The following BAZ2B variants were observed in gnomAD, a reference collection of about 807,000 sequenced individuals.
The protein encoded by BAZ2B is bromodomain adjacent to zinc finger domain 2B.
A neutral mutation model predicts 246.0 loss-of-function variants in BAZ2B; 91 were observed. The observed-to-expected ratio is 0.37, with a 90% CI of 0.31 to 0.44. The LOEUF is 0.44. Among genes scored for constraint, BAZ2B ranks in the 20% least tolerant of loss-of-function variants. The pLI, the probability that BAZ2B is intolerant of heterozygous loss-of-function variation, is 1.00. For missense variants in BAZ2B, 2,332 were observed against 2,533.7 expected, an observed-to-expected ratio of 0.92 and a Z score of 1.71; for synonymous variants, 855 against 860.0, an observed-to-expected ratio of 0.99 and a Z score of 0.10.
intron 13 of BAZ2B, among the ~76,000 whole-genome samples, chr2:159,416,803 T>C (rs2067801854): frequency 2.6e-5 from 4 of 152,220 alleles, no homozygotes. Context: ...TACTGGATTA[T>C]GTATAATGTC....
At chr2:159,505,198 G>T (rs1025351897) in intron 2 of BAZ2B, among the ~76,000 whole-genome samples, 17 of 152,326 alleles carry the variant, frequency 1.1e-4, no homozygotes, top group African/African-American at 4.1e-4. Context: ...TTTCATAGAA[G>T]AGAATTCCAG....
intron 27 of BAZ2B, among the ~76,000 whole-genome samples, chr2:159,359,905 GC>G (rs59904085): frequency 0.019 from 2,832 of 152,114 alleles, 86 homozygotes; most frequent in African/African-American, 0.065. Context: ...AAATTCAACA[GC>G]CCTTCATGCT....
At chr2:159,526,410 G>A (rs950654512) in intron 2 of BAZ2B, among the ~76,000 whole-genome samples, 1 of 152,080 alleles carries the variant, frequency 6.6e-6, no homozygotes, top group African/African-American at 2.4e-5. Context: ...TCATGTATAC[G>A]AATGTAAATT....
At chr2:159,568,979 G>A (rs1683281491) in intron 1 of BAZ2B, among the ~76,000 whole-genome samples, 1 of 152,026 alleles carries the variant, frequency 6.6e-6, no homozygotes, top group South Asian at 2.1e-4. Context: ...GGGTTTTCGT[G>A]ACACTAGATT....
At chr2:159,637,231 G>T in the BAZ2B span, among the ~76,000 whole-genome samples, 1 of 152,236 alleles carries the variant, frequency 6.6e-6, no homozygotes, top group Non-Finnish European at 1.5e-5. Flanking sequence ...AGAGCAACAA[G>T]CAGGCTCTAA....
the BAZ2B span, among the ~76,000 whole-genome samples, chr2:159,624,443 G>C: frequency 6.6e-6 from 1 of 152,206 alleles, no homozygotes; most frequent in Non-Finnish European, 1.5e-5. Flanking sequence ...TATAGGAGAG[G>C]TCTGGCTGGC....
chr2:159,541,766 T>G lies in BAZ2B; in HGVS notation c.-3+14057A>C, dbSNP rs148545390. Among the ~76,000 whole-genome samples the G allele has an allele frequency of 4.7e-3, 716 of 152,302 alleles. 6 individuals are homozygous for G. Among genetic ancestry groups the G allele is most frequent in the African/African-American group, 0.016 (678 of 41,558 alleles). On this transcript the variant is annotated intron_variant, in intron 2 of 36. Coordinates refer to ENST00000392783, the MANE Select transcript of BAZ2B (RefSeq NM_013450.4). ...GAGTAGTAACCTTTACTGGAGTTCT[T>G]TTTTTCTTCATATGCCTTTAAGTTA...
Position 159,350,033 on chromosome 2 carries a change from G to A in BAZ2B, c.4538C>T (p.Ser1513Leu). Residue 1513 changes from serine (S) to leucine (L), a missense_variant, in exon 28 of 37, where the codon TCA (serine) becomes TTA (leucine). Around this residue, in one of 9 missense-constraint regions of BAZ2B, gnomAD observed 676 missense variants for 668.6 expected, o/e 1.01. Coordinates refer to ENST00000392783, the MANE Select transcript of BAZ2B (RefSeq NM_013450.4). ...TTCCACATTGCTTTGCGTTGCTGTT[G>A]ACTGAACGCTGCCCAGTGAATGTTT... ...SGKHSLGSVQ[S>L]TATQSNVEKA... 6.2e-7 allele frequency: 1 copy of A among 1,614,098 alleles called. No homozygotes were observed. The highest frequency in any genetic ancestry group is 8.5e-7 in the Non-Finnish European group (1 of 1,179,992).
chr2:159,507,015 T>C (rs1007844921), intron 2 of BAZ2B, among the ~76,000 whole-genome samples: 3 of 152,318 alleles, frequency 2.0e-5, no homozygotes, highest in Admixed American at 2.0e-4. Context: ...TGCAATACTT[T>C]GTGGAGCAGG....
Position 159,534,799 on chromosome 2 carries a change from G to T in BAZ2B, c.-3+21024C>A, listed in dbSNP as rs949366476. Among the ~76,000 whole-genome samples the T allele has an allele frequency of 7.1e-4, 108 of 151,982 alleles. 1 individual carries two copies. Among genetic ancestry groups the T allele is most frequent in the Non-Finnish European group, 1.8e-4 (12 of 67,992 alleles). On this transcript the variant is annotated intron_variant, in intron 2 of 36. Transcript: ENST00000392783. The stretch of plus-strand genomic sequence containing the variant: ...TTTTTGTATTTTTAGTAGATAAGGG[G>T]TTTCACCATGCTAGCCAGGTTGGTC...
upstream of BAZ2B, among the ~76,000 whole-genome samples, chr2:159,621,373 A>G (rs541385157): frequency 6.6e-6 from 1 of 152,206 alleles, no homozygotes. Flanking sequence ...GACGCTTCTG[A>G]TAAACATCCC....
At chr2:159,470,381 G>A (rs573271063) in intron 3 of BAZ2B, among the ~76,000 whole-genome samples, 2 of 152,340 alleles carry the variant, frequency 1.3e-5, no homozygotes, top group East Asian at 3.9e-4. Context: ...TTGTCCTACA[G>A]CCTGGAGGTT....
chr2:159,586,873 T>C (rs1213075039), intron 1 of BAZ2B, among the ~76,000 whole-genome samples: 1 of 152,156 alleles, frequency 6.6e-6, no homozygotes, highest in Non-Finnish European at 1.5e-5. Flanking sequence ...CACTTACAGT[T>C]TGATCTTACA....
chr2:159,472,050 A>G (rs1286808240), intron 3 of BAZ2B, among the ~76,000 whole-genome samples: 2 of 152,174 alleles, frequency 1.3e-5, no homozygotes, highest in Non-Finnish European at 2.9e-5. Context: ...TGGGTAGATA[A>G]TTGGTTCATT....
the BAZ2B span, among the ~76,000 whole-genome samples, chr2:159,622,457 AAAACT>A: frequency 6.6e-6 from 1 of 152,184 alleles, no homozygotes; most frequent in Admixed American, 6.5e-5. Context: ...GAGCCTAAAG[AAAACT>A]TTCCCAGCAA....
intron 1 of BAZ2B, among the ~76,000 whole-genome samples, chr2:159,606,328 T>A (rs973995652): frequency 6.6e-6 from 1 of 152,252 alleles, no homozygotes; most frequent in Non-Finnish European, 1.5e-5. Flanking sequence ...TGTCAGTTAA[T>A]GTTGCCTTGC....
chr2:159,489,111 C>T (rs1231689653), intron 2 of BAZ2B, among the ~76,000 whole-genome samples: 3 of 152,128 alleles, frequency 2.0e-5, no homozygotes, highest in Non-Finnish European at 2.9e-5. Context: ...AGCATACTAT[C>T]CATGGATAGG....
intron 2 of BAZ2B, among the ~76,000 whole-genome samples, chr2:159,490,720 G>T (rs2080364427): frequency 6.6e-6 from 1 of 151,920 alleles, no homozygotes. Flanking sequence ...TGAAGAGATG[G>T]GATCTCCCTA....
chr2:159,428,193 C>CA lies in BAZ2B; in HGVS notation c.2364+117dup, dbSNP rs796774768. 5.5e-6 allele frequency: 6 copies of CA among 1,093,468 alleles called. No homozygotes were observed. In the African/African-American group the frequency reaches 9.4e-5, roughly 17 times the overall value. The allele number at this position is 1,093,468 out of a possible 1,614,324, so 67.7% of individuals were successfully genotyped here. On this transcript the variant is annotated intron_variant, in intron 12 of 36. Coordinates refer to ENST00000392783, the MANE Select transcript of BAZ2B (RefSeq NM_013450.4). Reference sequence around the variant, plus strand: ...CAATTTAGGTTAAGTACAATAGTCCCATACAAGAGAATATTTAGTATCAAG... The same window carrying CA: ...CAATTTAGGTTAAGTACAATAGTCCCAATACAAGAGAATATTTAGTATCAAG...
Sources: gnomAD v4.1 joint callset for allele counts (sites outside exome capture counted in the v4.1 genomes callset) on GRCh38, gnomAD v4.1.1 for gene constraint, gnomAD v4.1.1 regional missense constraint, MANE v1.5 for transcripts, NCBI Gene and HGNC (gene_info 2026-07-23, HGNC 2026-07-21) for gene names.